The following B4GALT5 variants were observed in gnomAD, a reference collection of about 807,000 sequenced individuals.
B4GALT5 encodes beta-1,4-galactosyltransferase 5.
Under a neutral mutation model 45.0 loss-of-function variants are expected in B4GALT5, and 11 were observed. That is an observed-to-expected ratio of 0.24 (90% CI 0.15 to 0.40). B4GALT5 has a LOEUF of 0.40. Ranked by LOEUF, B4GALT5 falls within the 10% of genes least tolerant of loss-of-function variation. The pLI is 1.00. For synonymous variants in B4GALT5, 185 were observed against 182.9 expected, an observed-to-expected ratio of 1.01 and a Z score of -0.09; for missense variants, 337 against 500.2, an observed-to-expected ratio of 0.67 and a Z score of 3.11.
intron 2 of B4GALT5, among the ~76,000 whole-genome samples, chr20:49,647,539 C>T (rs934065642): frequency 2.4e-4 from 36 of 152,288 alleles, no homozygotes; most frequent in Middle Eastern, 3.4e-3. Flanking sequence ...CCACCCCTGC[C>T]ACACGATCCC....
At chr20:49,637,138 TCTTA>T (rs2085557460) in intron 8 of B4GALT5, among the ~76,000 whole-genome samples, 199 bp downstream of exon 8, 1 of 152,160 alleles carries the variant, frequency 6.6e-6, no homozygotes. Context: ...CTTCGAAGAA[TCTTA>T]CTATTGAAAA....
chr20:49,690,061 T>G (rs1317230084), intron 1 of B4GALT5, among the ~76,000 whole-genome samples: 1 of 152,174 alleles, frequency 6.6e-6, no homozygotes, highest in Middle Eastern at 3.2e-3. Flanking sequence ...TGGAGTGCAG[T>G]GGCATGATCT....
intron 4 of B4GALT5, among the ~76,000 whole-genome samples, chr20:49,642,797 T>C (rs2085582476): frequency 6.6e-6 from 1 of 152,210 alleles, no homozygotes; most frequent in African/African-American, 2.4e-5. Context: ...TTATAGTACA[T>C]AGTAGGCCTA....
At chr20:49,701,087 AGT>A (rs949215580) in intron 1 of B4GALT5, among the ~76,000 whole-genome samples, 3 of 152,240 alleles carry the variant, frequency 2.0e-5, no homozygotes, top group Non-Finnish European at 4.4e-5. Context: ...AAAAAATAAC[AGT>A]GATACACTGT....
chr20:49,672,086 T>C (rs1422495783), intron 1 of B4GALT5, among the ~76,000 whole-genome samples: 1 of 152,186 alleles, frequency 6.6e-6, no homozygotes, highest in African/African-American at 2.4e-5. Flanking sequence ...TTCCTCTATC[T>C]AGCCTACCAT....
chr20:49,693,089 T>C (rs1017830768), intron 1 of B4GALT5, among the ~76,000 whole-genome samples: 1 of 152,212 alleles, frequency 6.6e-6, no homozygotes, highest in Non-Finnish European at 1.5e-5. Flanking sequence ...AGGGGTGTAA[T>C]AGGCTATACC....
chr20:49,704,266 G>A (rs985164133), intron 1 of B4GALT5, among the ~76,000 whole-genome samples: 6 of 152,194 alleles, frequency 3.9e-5, no homozygotes, highest in Non-Finnish European at 7.4e-5. Context: ...GTAGAATTAA[G>A]AAGAAGGTTT....
intron 1 of B4GALT5, among the ~76,000 whole-genome samples, chr20:49,702,308 C>T (rs1204286273): frequency 6.6e-6 from 1 of 152,108 alleles, no homozygotes; most frequent in African/African-American, 2.4e-5. Flanking sequence ...TCAAAAATCA[C>T]ATCAGTAGCT....
intron 4 of B4GALT5, 67 bp from the exon 5 acceptor site, chr20:49,642,651 C>G (rs1004661630): frequency 1.7e-4 from 192 of 1,119,336 alleles, no homozygotes; most frequent in Admixed American, 4.9e-4. Flanking sequence ...GCAGGACACC[C>G]CTGATGAATT....
In B4GALT5 at chr20:49,688,639, G is replaced by A. The variant is rs533735101; in HGVS notation, c.115+24937C>T. Among the ~76,000 whole-genome samples the A allele has an allele frequency of 6.6e-5, 10 of 152,208 alleles. No homozygotes were observed. The South Asian group carries it at 8.3e-4, about 13-fold the overall frequency. On this transcript the variant is annotated intron_variant, in intron 1 of 8. Coordinates refer to ENST00000371711, the MANE Select transcript of B4GALT5 (RefSeq NM_004776.4). ...AAATTAACAGGCATGCCAAAAGATAGGACAAAATGAGTGTCAAGGCCGGGT... is the reference window on the plus strand; with the variant it reads ...AAATTAACAGGCATGCCAAAAGATAAGACAAAATGAGTGTCAAGGCCGGGT...
At chr20:49,708,796 G>A (rs1258089511) in intron 1 of B4GALT5, among the ~76,000 whole-genome samples, 4 of 152,072 alleles carry the variant, frequency 2.6e-5, no homozygotes, top group Non-Finnish European at 5.9e-5. Flanking sequence ...GCCGGGTGTG[G>A]TGGCAGGTGC....
At chr20:49,650,881 G>C (rs2085619717) in intron 2 of B4GALT5, among the ~76,000 whole-genome samples, 1 of 152,130 alleles carries the variant, frequency 6.6e-6, no homozygotes, top group Non-Finnish European at 1.5e-5. Flanking sequence ...AAAATGCTGA[G>C]AGAAAAACAA....
At chr20:49,703,560 T>C (rs1423074653) in intron 1 of B4GALT5, among the ~76,000 whole-genome samples, 1 of 152,062 alleles carries the variant, frequency 6.6e-6, no homozygotes, top group African/African-American at 2.4e-5. Flanking sequence ...TGAGCTTTTC[T>C]AAAAAAGTTA....
chr20:49,706,919 T>C (rs576362658), intron 1 of B4GALT5, among the ~76,000 whole-genome samples: 19 of 152,312 alleles, frequency 1.2e-4, no homozygotes, highest in African/African-American at 3.8e-4. Flanking sequence ...AAGAAGTCAA[T>C]TGTATTCTGG....
intron 1 of B4GALT5, among the ~76,000 whole-genome samples, chr20:49,668,772 C>T (rs2085703147): frequency 6.6e-6 from 1 of 152,096 alleles, no homozygotes; most frequent in African/African-American, 2.4e-5. Context: ...ACTCCACCGA[C>T]CAATCCCTGT....
At chr20:49,697,646 A>G (rs1390722227) in intron 1 of B4GALT5, among the ~76,000 whole-genome samples, 1 of 151,968 alleles carries the variant, frequency 6.6e-6, no homozygotes, top group Non-Finnish European at 1.5e-5. Context: ...GAACAACATG[A>G]AACCCAACTA....
At chr20:49,702,493 CCA>C (rs2085866279) in intron 1 of B4GALT5, among the ~76,000 whole-genome samples, 1 of 152,096 alleles carries the variant, frequency 6.6e-6, no homozygotes, top group Non-Finnish European at 1.5e-5. Flanking sequence ...AAAAGACAAC[CCA>C]CAGAATAGAA....
At chr20:49,711,592 C>T (rs558351470) in intron 1 of B4GALT5, among the ~76,000 whole-genome samples, 21 of 152,324 alleles carry the variant, frequency 1.4e-4, no homozygotes, top group African/African-American at 4.8e-4. Context: ...TAATAGCCAA[C>T]ATGCTAATGA....
chr20:49,674,417 CGTAAA>C (rs1211938770), intron 1 of B4GALT5, among the ~76,000 whole-genome samples: 1 of 151,926 alleles, frequency 6.6e-6, no homozygotes, highest in Non-Finnish European at 1.5e-5. Context: ...TTTCTATGCC[CGTAAA>C]GTATTCTTTA....
Sources: allele counts gnomAD v4.1 joint callset (sites outside exome capture counted in the v4.1 genomes callset), GRCh38; gene constraint gnomAD v4.1.1; transcripts MANE v1.5; gene names NCBI Gene and HGNC (gene_info 2026-07-23, HGNC 2026-07-21).